MYO1D: variants seen among roughly 807,000 people sequenced by gnomAD.
MYO1D encodes the protein myosin ID.
MYO1D carries 83 observed loss-of-function variants against 122.0 expected under a neutral mutation model. The ratio of observed to expected loss-of-function variants is 0.68; its 90% confidence interval spans 0.57 to 0.82. MYO1D has a LOEUF of 0.82. Among genes scored for constraint, MYO1D ranks in the 40% least tolerant of loss-of-function variants. MYO1D has a pLI of 0.00. For missense variants in MYO1D, 1,157 were observed against 1,269.5 expected (o/e 0.91, Z 1.35); for synonymous variants, 464 against 446.9 (o/e 1.04, Z -0.48).
chr17:32,723,687 A>G (rs2089538530), intron 14 of MYO1D, among the ~76,000 whole-genome samples: 1 of 152,134 alleles, frequency 6.6e-6, no homozygotes, highest in African/African-American at 2.4e-5. Context: ...CCGGGATTAA[A>G]GACTACATGA....
chr17:32,542,399 T>G (rs1910861908), intron 21 of MYO1D, among the ~76,000 whole-genome samples: 1 of 152,162 alleles, frequency 6.6e-6, no homozygotes, highest in Non-Finnish European at 1.5e-5. Context: ...TCTGCCTCCG[T>G]GGTGCGACAG....
intron 21 of MYO1D, among the ~76,000 whole-genome samples, chr17:32,543,179 T>C (rs544888763): frequency 6.6e-6 from 1 of 150,408 alleles, no homozygotes; most frequent in East Asian, 2.0e-4. Flanking sequence ...TGAGCCAAGA[T>C]CATGCCACTG....
Position 32,712,008 on chromosome 17 carries a change from T to C in MYO1D, c.2101A>G (p.Ile701Val). Residue 701 changes from isoleucine to valine, a missense_variant, in exon 16 of 22, where the codon ATT becomes GTT. Coordinates refer to ENST00000318217, the MANE Select transcript of MYO1D (RefSeq NM_015194.3). ...EELRAQMLIR[I>V]VLFLQKVWRG... ...ATTACCTTTTGTAGAAAGAGGACAA[T>C]CCTTATGAGCATCTGGGCACGGAGT... The C allele has an allele frequency of 6.2e-7, 1 of 1,613,912 alleles. No homozygotes were observed. The highest frequency in any genetic ancestry group is 8.5e-7 in the Non-Finnish European group (1 of 1,179,828).
intron 1 of MYO1D, among the ~76,000 whole-genome samples, chr17:32,819,165 G>A (rs977412271): frequency 6.6e-6 from 1 of 151,256 alleles, no homozygotes; most frequent in Non-Finnish European, 1.5e-5. Context: ...AATCTGAAAT[G>A]ACACAGCAAT....
intron 1 of MYO1D, among the ~76,000 whole-genome samples, chr17:32,816,935 C>T (rs372155515): frequency 3.2e-4 from 48 of 151,736 alleles, no homozygotes; most frequent in African/African-American, 1.0e-3. Flanking sequence ...AGATGACAAG[C>T]GGTAAGAAAT....
chr17:32,540,320 A>AAT (rs1555623929), intron 21 of MYO1D, among the ~76,000 whole-genome samples: 1 of 125,832 alleles, frequency 7.9e-6, no homozygotes, highest in Non-Finnish European at 1.6e-5. Context: ...ACAGAGAGAG[A>AAT]CTATCTCAAA....
rs967818115 is a variant in MYO1D at position 32,752,214 on chromosome 17, T to C, written c.1468-3208A>G. ...ATTCACTAAGTGGTACTGGGAAAAA[T>C]AGCTAGCCATATACAGCAGAATGAA... On this transcript the variant is annotated intron_variant, in intron 11 of 21. Transcript: ENST00000318217. 3.3e-5 allele frequency among the ~76,000 whole-genome samples: 5 copies of C among 152,148 alleles called. No individual in the cohort carries two copies. The South Asian group carries it at 8.3e-4, about 25-fold the overall frequency.
chr17:32,694,594 G>A (rs914390795), intron 16 of MYO1D, among the ~76,000 whole-genome samples: 6 of 150,904 alleles, frequency 4.0e-5, no homozygotes, highest in Non-Finnish European at 7.4e-5. Flanking sequence ...CCAGCTACTC[G>A]GGAGGCTGAG....
At chr17:32,778,774 A>G (rs2090206241) in intron 2 of MYO1D, among the ~76,000 whole-genome samples, 1 of 152,214 alleles carries the variant, frequency 6.6e-6, no homozygotes, top group Non-Finnish European at 1.5e-5. Context: ...AATATGATGA[A>G]GAAAATAAAA....
chr17:32,679,069 G>A (rs2088867948), intron 16 of MYO1D, among the ~76,000 whole-genome samples: 7 of 151,854 alleles, frequency 4.6e-5, no homozygotes, highest in Admixed American at 4.6e-4. Flanking sequence ...TTTGAGAAGT[G>A]TCTGTTCATG....
intron 14 of MYO1D, among the ~76,000 whole-genome samples, chr17:32,733,632 G>C (rs8075227): frequency 0.049 from 7,416 of 152,104 alleles, 581 homozygotes; most frequent in African/African-American, 0.17. Context: ...ACCCTACTTT[G>C]GGCAGGCCCT....
intron 12 of MYO1D, 62 bp from the exon 13 acceptor site, chr17:32,745,347 T>C: frequency 9.5e-7 from 1 of 1,054,198 alleles, no homozygotes; most frequent in Non-Finnish European, 1.4e-6. Flanking sequence ...CATTTAAGTT[T>C]TTCCAGGAGG....
chr17:32,691,749 G>T (rs1258054432), intron 16 of MYO1D, among the ~76,000 whole-genome samples: 1 of 152,076 alleles, frequency 6.6e-6, no homozygotes, highest in African/African-American at 2.4e-5. Flanking sequence ...ATATTCTTAA[G>T]ATTTTCCTTA....
At chr17:32,757,768 A>C (rs192449823) in intron 10 of MYO1D, among the ~76,000 whole-genome samples, 6 of 152,256 alleles carry the variant, frequency 3.9e-5, no homozygotes, top group African/African-American at 1.4e-4. Flanking sequence ...ATACTGCTTC[A>C]AACATTGCTT....
At chr17:32,542,907 C>A (rs972561050) in intron 21 of MYO1D, among the ~76,000 whole-genome samples, 1 of 152,088 alleles carries the variant, frequency 6.6e-6, no homozygotes, top group Non-Finnish European at 1.5e-5. Flanking sequence ...TAGCTCCACT[C>A]CGACCCTGGG....
intron 16 of MYO1D, among the ~76,000 whole-genome samples, chr17:32,698,584 G>A (rs940791528): frequency 6.6e-6 from 1 of 151,912 alleles, no homozygotes; most frequent in African/African-American, 2.4e-5. Context: ...GCAAATGAAT[G>A]ACAAAACCAA....
chr17:32,502,391 G>A (rs1161145835), intron 21 of MYO1D, among the ~76,000 whole-genome samples: 1 of 152,186 alleles, frequency 6.6e-6, no homozygotes, highest in Non-Finnish European at 1.5e-5. Flanking sequence ...GTTAGTGGCT[G>A]CCAAGGGCTG....
At chr17:32,864,334 T>C (rs2091105774) in intron 1 of MYO1D, among the ~76,000 whole-genome samples, 1 of 151,888 alleles carries the variant, frequency 6.6e-6, no homozygotes, top group Non-Finnish European at 1.5e-5. Flanking sequence ...GTCCCTAGAT[T>C]TGCTGTGTAA....
At chr17:32,766,552 T>C (rs767231139) in intron 7 of MYO1D, among the ~76,000 whole-genome samples, 1 of 151,968 alleles carries the variant, frequency 6.6e-6, no homozygotes, top group African/African-American at 2.4e-5. Flanking sequence ...TCCCAGAACT[T>C]TGGGAGGCTG....
Sources: gnomAD v4.1 joint callset for allele counts (sites outside exome capture counted in the v4.1 genomes callset) on GRCh38, gnomAD v4.1.1 for gene constraint, MANE v1.5 for transcripts, NCBI Gene and HGNC (gene_info 2026-07-23, HGNC 2026-07-21) for gene names.